The following GPC5 variants were observed in gnomAD, a reference collection of about 807,000 sequenced individuals.
GPC5 encodes the protein glypican 5.
Under a neutral mutation model 53.9 loss-of-function variants are expected in GPC5, and 47 were observed. The observed-to-expected ratio is 0.87, with a 90% CI of 0.69 to 1.11. The LOEUF is 1.11. Ranked by LOEUF, GPC5 falls within the 50% of genes most tolerant of loss-of-function variation. The pLI is 0.00. For synonymous variants in GPC5, 286 were observed against 263.3 expected, an observed-to-expected ratio of 1.09 and a Z score of -0.84; for missense variants, 748 against 713.1, an observed-to-expected ratio of 1.05 and a Z score of -0.56.
intron 7 of GPC5, among the ~76,000 whole-genome samples, chr13:92,436,186 ATTTT>A (rs1877297692): frequency 6.6e-6 from 1 of 152,124 alleles, no homozygotes; most frequent in Non-Finnish European, 1.5e-5. Flanking sequence ...GTAAAGACTT[ATTTT>A]GTTTGTGTTA....
At chr13:92,616,860 T>C (rs1305597975) in intron 7 of GPC5, among the ~76,000 whole-genome samples, 1 of 152,002 alleles carries the variant, frequency 6.6e-6, no homozygotes, top group East Asian at 1.9e-4. Flanking sequence ...TAGACCCAAA[T>C]GATGCTAAAG....
intron 6 of GPC5, among the ~76,000 whole-genome samples, chr13:92,050,126 T>C (rs2041015369): frequency 6.6e-6 from 1 of 151,818 alleles, no homozygotes; most frequent in Non-Finnish European, 1.5e-5. Context: ...ATGAGGAGAG[T>C]GTACTCATAT....
intron 2 of GPC5, among the ~76,000 whole-genome samples, chr13:91,573,564 A>G (rs2032021425): frequency 6.6e-6 from 1 of 152,170 alleles, no homozygotes; most frequent in Admixed American, 6.6e-5. Context: ...AGCTCAAACT[A>G]TAGCTTATAT....
At chr13:92,631,912 A>T (rs78984198) in intron 7 of GPC5, among the ~76,000 whole-genome samples, 1,733 of 152,322 alleles carry the variant, frequency 0.011, 30 homozygotes, top group African/African-American at 0.04. Flanking sequence ...CTTGGGTCTC[A>T]TTCCAAGATA....
intron 2 of GPC5, among the ~76,000 whole-genome samples, chr13:91,485,633 T>C (rs1026868483): frequency 6.6e-6 from 1 of 152,216 alleles, no homozygotes; most frequent in Non-Finnish European, 1.5e-5. Context: ...GTGCTCTTTT[T>C]TTTCTTCCAG....
Position 92,488,931 on chromosome 13 carries a change from GC to G in GPC5, c.1561+343943del, listed in dbSNP as rs1318210385. Among the ~76,000 whole-genome samples, 4 of 152,220 alleles carry G rather than the reference GC, an allele frequency of 2.6e-5. No homozygotes were observed. In the East Asian group the frequency reaches 7.7e-4, roughly 29 times the overall value. ...ACTAACAAATAAAACATTAGAAAGG[GC>G]TTTTTTAACAAGTAAATTTCAGGGG... On this transcript the variant is annotated intron_variant, in intron 7 of 7. Transcript: ENST00000377067.
intron 7 of GPC5, among the ~76,000 whole-genome samples, chr13:92,475,292 C>T (rs1451881574): frequency 3.1e-4 from 46 of 147,458 alleles, no homozygotes; most frequent in Non-Finnish European, 2.1e-4. Flanking sequence ...TTACCTTGGG[C>T]AGTATGGCCA....
chr13:92,552,944 C>G lies in GPC5; in HGVS notation c.1562-313338C>G, dbSNP rs144524661. Among the ~76,000 whole-genome samples, 7 of 151,972 alleles carry G rather than the reference C, an allele frequency of 4.6e-5. No individual in the cohort carries two copies. In the East Asian group the frequency reaches 1.2e-3, roughly 25 times the overall value. The stretch of plus-strand genomic sequence containing the variant: ...CTTTTCTTCTCACTTTATTCACTCT[C>G]CATGGCTGAACTAATTATATTCTGA... On this transcript the variant is annotated intron_variant, in intron 7 of 7. Coordinates refer to ENST00000377067, the MANE Select transcript of GPC5 (RefSeq NM_004466.6).
chr13:91,851,336 C>T (rs1157074135), intron 5 of GPC5, among the ~76,000 whole-genome samples: 3 of 151,932 alleles, frequency 2.0e-5, no homozygotes, highest in East Asian at 3.9e-4. Flanking sequence ...AAAATACACT[C>T]ATATAGGGAA....
At chr13:92,498,918 T>C (rs1880083617) in intron 7 of GPC5, among the ~76,000 whole-genome samples, 1 of 151,754 alleles carries the variant, frequency 6.6e-6, no homozygotes, top group Non-Finnish European at 1.5e-5. Context: ...AATCATCAGG[T>C]TTCCCCAATG....
intron 7 of GPC5, among the ~76,000 whole-genome samples, chr13:92,697,342 T>A (rs1887586976): frequency 6.6e-6 from 1 of 152,104 alleles, no homozygotes; most frequent in South Asian, 2.1e-4. Flanking sequence ...ACGGAATGTT[T>A]TTCCATTTAT....
chr13:91,919,935 A>G (rs1000727052), intron 6 of GPC5, among the ~76,000 whole-genome samples: 7 of 152,194 alleles, frequency 4.6e-5, no homozygotes, highest in African/African-American at 1.4e-4. Flanking sequence ...AATTCTAGAC[A>G]CAATAATTCC....
At chr13:92,241,966 C>T (rs537392179) in intron 7 of GPC5, 2 of 152,266 alleles carry the variant, frequency 1.3e-5, no homozygotes, top group East Asian at 1.9e-4. Context: ...GGCATGAGGG[C>T]TCATGCCTGT....
At chr13:91,568,447 A>T (rs2031632817) in intron 2 of GPC5, among the ~76,000 whole-genome samples, 1 of 152,068 alleles carries the variant, frequency 6.6e-6, no homozygotes, top group African/African-American at 2.4e-5. Context: ...GGCAATCTTT[A>T]TAAGGGTTTC....
intron 7 of GPC5, among the ~76,000 whole-genome samples, chr13:92,260,441 G>A (rs1272821235): frequency 1.3e-5 from 2 of 152,152 alleles, no homozygotes; most frequent in Non-Finnish European, 2.9e-5. Context: ...TACTATCATG[G>A]CAGCACAAGT....
chr13:92,003,752 A>G (rs2040578738), intron 6 of GPC5, among the ~76,000 whole-genome samples: 1 of 152,254 alleles, frequency 6.6e-6, no homozygotes, highest in Admixed American at 6.5e-5. Context: ...ATAAAGAAAT[A>G]ACAGCCCTTT....
At chr13:91,691,139 A>G (rs1319715183) in intron 2 of GPC5, among the ~76,000 whole-genome samples, 1 of 152,210 alleles carries the variant, frequency 6.6e-6, no homozygotes, top group Non-Finnish European at 1.5e-5. Flanking sequence ...AACAGAGTGT[A>G]GTGGCTGAGA....
chr13:92,007,049 A>C (rs1284946575), intron 6 of GPC5, among the ~76,000 whole-genome samples: 2 of 152,168 alleles, frequency 1.3e-5, no homozygotes, highest in East Asian at 3.8e-4. Flanking sequence ...TTAATATGAT[A>C]AAGTAAATTT....
chr13:92,600,631 G>T (rs1275280226), intron 7 of GPC5, among the ~76,000 whole-genome samples: 1 of 151,148 alleles, frequency 6.6e-6, no homozygotes, highest in Admixed American at 6.6e-5. Context: ...CTGAGTAGCT[G>T]GGATTACAGG....
Sources: allele counts gnomAD v4.1 joint callset (sites outside exome capture counted in the v4.1 genomes callset), GRCh38; gene constraint gnomAD v4.1.1; transcripts MANE v1.5; gene names NCBI Gene and HGNC (gene_info 2026-07-23, HGNC 2026-07-21).